Variants in ULK4 observed in about 807,000 individuals in gnomAD.
ULK4 encodes the protein unc-51 like kinase 4.
In ULK4, 133 loss-of-function variants were observed where a neutral mutation model predicts 160.6. The ratio of observed to expected loss-of-function variants is 0.83; its 90% CI spans 0.72 to 0.96. The LOEUF (loss-of-function observed/expected upper bound fraction) is 0.96. Among genes scored for constraint, ULK4 ranks in the 40% least tolerant of loss-of-function variants. The probability of loss-of-function intolerance (pLI) is 0.00; values close to 1 mark genes in which losing one functional copy is unlikely to be tolerated. For missense variants in ULK4, 1,580 were observed against 1,499.5 expected (o/e 1.05, Z -0.89); for synonymous variants, 534 against 539.8 (o/e 0.99, Z 0.15).
At chr3:41,275,895 T>G (rs1442755581) in intron 35 of ULK4, among the ~76,000 whole-genome samples, 3 of 152,164 alleles carry the variant, frequency 2.0e-5, no homozygotes, top group East Asian at 3.8e-4. Context: ...CTGTCCTCAT[T>G]GGGTATGGGC....
chr3:41,338,630 AGT>A (rs1396699554), intron 35 of ULK4, among the ~76,000 whole-genome samples: 1 of 152,146 alleles, frequency 6.6e-6, no homozygotes, highest in Non-Finnish European at 1.5e-5. Flanking sequence ...CCCTAGTTGG[AGT>A]CCAGGGAAAA....
At chr3:41,445,410 C>T (rs1017852712) in intron 34 of ULK4, among the ~76,000 whole-genome samples, 50 of 152,192 alleles carry the variant, frequency 3.3e-4, no homozygotes, top group Non-Finnish European at 3.8e-4. Context: ...GAGCCTGCAT[C>T]GCCAAGTCAA....
At chr3:41,521,737 C>A (rs542634584) in intron 32 of ULK4, among the ~76,000 whole-genome samples, 2 of 152,326 alleles carry the variant, frequency 1.3e-5, no homozygotes, top group Admixed American at 6.5e-5. Context: ...AGTTATTATA[C>A]ATGACAGATT....
rs970562948 is a variant in ULK4 at position 41,663,592 on chromosome 3, T to G, written c.3071+15A>C. 2 of 1,607,254 alleles carry G rather than the reference T, an allele frequency of 1.2e-6. No homozygotes were observed. Among genetic ancestry groups the G allele is most frequent in the African/African-American group, 2.7e-5 (2 of 74,736 alleles). On this transcript the variant is annotated intron_variant, in intron 30 of 36. Coordinates refer to ENST00000301831, the MANE Select transcript of ULK4 (RefSeq NM_017886.4). ...TAGGTGAGACACAAGAAAAAGAAAT[T>G]TGAACTTCCAGTACCTTGTGAAAGT...
Position 41,900,806 on chromosome 3 carries a change from C to T in ULK4, c.1206G>A (p.Gln402=), listed in dbSNP as rs1308898885. 2 of 1,613,512 alleles carry T rather than the reference C, an allele frequency of 1.2e-6. No individual in the cohort carries two copies. Among genetic ancestry groups the T allele is most frequent in the African/African-American group, 2.7e-5 (2 of 75,028 alleles). The part of the protein sequence containing the change: ...LTKITSGHLS[Q]QDLESQMREL... ...CTCTCATCTGGGATTCCAGGTCCTG[C>T]TGACTCAGGTGTCCACTTGTAATCT... Residue 402 remains glutamine, a synonymous_variant, in exon 13 of 37, where the codon CAG becomes CAA. Coordinates refer to ENST00000301831, the MANE Select transcript of ULK4 (RefSeq NM_017886.4).
rs1312256838 is a variant in ULK4, at chr3:41,960,228, CAT to C, written c.-49+1786_-49+1787del. On this transcript the variant is annotated intron_variant, in intron 1 of 36. Transcript: ENST00000301831. ...TTAGTCACATCTGACCATCAAGTCA[CAT>C]GTGGACAATTTCAGTCTGAAATTAA... 2.0e-5 allele frequency among the ~76,000 whole-genome samples: 3 copies of C among 152,114 alleles called. No homozygotes were observed. In the East Asian group the frequency reaches 5.8e-4, roughly 29 times the overall value.
chr3:41,886,628 G>C (rs1697731155), intron 16 of ULK4, among the ~76,000 whole-genome samples: 1 of 150,568 alleles, frequency 6.6e-6, no homozygotes, highest in Admixed American at 6.6e-5. Context: ...CTGGAGTGTA[G>C]TGAGTGGCAC....
At chr3:41,666,369 C>T (rs1477269179) in intron 29 of ULK4, among the ~76,000 whole-genome samples, 1 of 152,158 alleles carries the variant, frequency 6.6e-6, no homozygotes, top group Non-Finnish European at 1.5e-5. Flanking sequence ...AAGTTATCTC[C>T]CAGGTGGCAG....
rs776367718 is a variant in ULK4 at position 41,800,259 on chromosome 3, AT to A, written c.1882del (p.Ile628LeufsTer21). On this transcript the variant is annotated frameshift_variant, in exon 20 of 37. Coordinates refer to ENST00000301831, the MANE Select transcript of ULK4 (RefSeq NM_017886.4). LOFTEE classifies it high-confidence loss of function. ...AAAGGTGGTACAGACATTTTCAATA[AT>A]TTTTGCTGCCATGTGATTCACAACA... ...ERVVNHMAAKIIENVCTTFSA... is the reference protein window; with the variant it reads ...ERVVNHMAAKXIENVCTTFSA... 3.1e-6 allele frequency: 5 copies of A among 1,612,740 alleles called. No individual in the cohort carries two copies. The highest frequency in any genetic ancestry group is 3.4e-6 in the Non-Finnish European group (4 of 1,179,686).
chr3:41,265,900 G>T (rs1381878287), intron 35 of ULK4, among the ~76,000 whole-genome samples: 3 of 152,194 alleles, frequency 2.0e-5, no homozygotes, highest in Non-Finnish European at 2.9e-5. Context: ...GTGGTGACAA[G>T]TAGCTATGTG....
intron 35 of ULK4, among the ~76,000 whole-genome samples, chr3:41,289,783 C>G (rs956884104): frequency 7.9e-5 from 12 of 151,890 alleles, no homozygotes; most frequent in African/African-American, 2.9e-4. Context: ...TGACCCTAAC[C>G]CTGCATCTTC....
intron 32 of ULK4, among the ~76,000 whole-genome samples, chr3:41,540,448 T>G (rs1269571289): frequency 6.6e-6 from 1 of 152,216 alleles, no homozygotes; most frequent in Non-Finnish European, 1.5e-5. Context: ...TGATGGGCAT[T>G]TGGGTTGATT....
chr3:41,695,980 G>C (rs1380879666), intron 27 of ULK4, among the ~76,000 whole-genome samples: 1 of 152,244 alleles, frequency 6.6e-6, no homozygotes, highest in Admixed American at 6.5e-5. Flanking sequence ...AGGGCCACCA[G>C]AGGGCTCCTT....
chr3:41,746,032 A>G (rs976992251), intron 22 of ULK4, among the ~76,000 whole-genome samples: 5 of 151,156 alleles, frequency 3.3e-5, no homozygotes, highest in Non-Finnish European at 5.9e-5. Flanking sequence ...GAATATCTAC[A>G]AAAAATCTAG....
At chr3:41,802,279 A>G (rs559593271) in intron 19 of ULK4, among the ~76,000 whole-genome samples, 29 of 152,248 alleles carry the variant, frequency 1.9e-4, no homozygotes, top group Non-Finnish European at 4.0e-4. Flanking sequence ...TTTTGAGCCT[A>G]TTTTAAACAT....
chr3:41,311,489 C>T (rs537941900), intron 35 of ULK4, among the ~76,000 whole-genome samples: 9 of 152,296 alleles, frequency 5.9e-5, no homozygotes, highest in South Asian at 2.1e-4. Flanking sequence ...GGGACTCAGA[C>T]GGGCTCTCCT....
chr3:41,373,644 G>C (rs796107532), intron 35 of ULK4, among the ~76,000 whole-genome samples: 10 of 152,330 alleles, frequency 6.6e-5, no homozygotes, highest in African/African-American at 2.4e-4. Flanking sequence ...GCAGTGTTTA[G>C]AGGGAAATTA....
chr3:41,357,115 G>A (rs2081045448), intron 35 of ULK4, among the ~76,000 whole-genome samples: 1 of 152,170 alleles, frequency 6.6e-6, no homozygotes, highest in South Asian at 2.1e-4. Flanking sequence ...GAGATTAAAG[G>A]CAATAATCAC....
At chr3:41,463,012 TAAGA>T in intron 33 of ULK4, 71 bp downstream of exon 33, 3 of 1,494,904 alleles carry the variant, frequency 2.0e-6, no homozygotes, top group Non-Finnish European at 1.8e-6. Flanking sequence ...TAGAGGAAGA[TAAGA>T]AAGAAGAGAA....
Sources: allele counts gnomAD v4.1 joint callset (sites outside exome capture counted in the v4.1 genomes callset), GRCh38; gene constraint gnomAD v4.1.1; transcripts MANE v1.5; gene names NCBI Gene and HGNC (gene_info 2026-07-23, HGNC 2026-07-21).